TRPM3: variants seen among roughly 807,000 people sequenced by gnomAD.
TRPM3 encodes the protein transient receptor potential cation channel subfamily M member 3.
In TRPM3, 77 loss-of-function variants were observed where a neutral mutation model predicts 181.2. That is an observed-to-expected ratio of 0.42 (90% CI 0.35 to 0.51). TRPM3 has a LOEUF of 0.51. Among genes scored for constraint, TRPM3 ranks in the 20% least tolerant of loss-of-function variants. The probability of loss-of-function intolerance (pLI) is 0.01; values close to 1 mark genes in which losing one functional copy is unlikely to be tolerated. For missense variants in TRPM3, 1,759 were observed against 2,196.7 expected (o/e 0.80, Z 3.98); for synonymous variants, 745 against 796.4 (o/e 0.94, Z 1.09).
At chr9:71,023,338 C>T (rs2097861379) in intron 1 of TRPM3, among the ~76,000 whole-genome samples, 1 of 152,030 alleles carries the variant, frequency 6.6e-6, no homozygotes, top group Non-Finnish European at 1.5e-5. Context: ...AGCAATAATA[C>T]TAAATGCTAG....
chr9:71,272,374 A>G (rs1184078775), intron 1 of TRPM3, among the ~76,000 whole-genome samples: 1 of 152,180 alleles, frequency 6.6e-6, no homozygotes, highest in African/African-American at 2.4e-5. Flanking sequence ...TTTAAAAATG[A>G]GTCTATTTCA....
chr9:70,928,061 T>G lies in TRPM3; in HGVS notation c.178-63550A>C, dbSNP rs143277528. On this transcript the variant is annotated intron_variant, in intron 1 of 25. Transcript: ENST00000677713. ...GACTTCCAACTAATTGTTCCCATAT[T>G]TGTAGGCCATCTGGATATTTAGGTA... is the stretch of plus-strand genomic sequence containing the variant. Among the ~76,000 whole-genome samples the G allele has an allele frequency of 2.6e-3, 395 of 152,344 alleles. 2 individuals are homozygous for G. Among genetic ancestry groups the G allele is most frequent in the African/African-American group, 9.2e-3 (381 of 41,580 alleles).
At chr9:71,137,804 T>C (rs548797274) in intron 1 of TRPM3, among the ~76,000 whole-genome samples, 1 of 152,258 alleles carries the variant, frequency 6.6e-6, no homozygotes, top group South Asian at 2.1e-4. Context: ...GTTGAAAATA[T>C]ATGTTAAGGT....
chr9:70,831,830 A>G (rs2093918111), intron 5 of TRPM3, among the ~76,000 whole-genome samples: 1 of 151,280 alleles, frequency 6.6e-6, no homozygotes, highest in Non-Finnish European at 1.5e-5. Flanking sequence ...AATATTTTAA[A>G]ATAACTTAAA....
chr9:70,967,041 T>TAA (rs2097192604), intron 1 of TRPM3, among the ~76,000 whole-genome samples: 1 of 48,850 alleles, frequency 2.0e-5, no homozygotes, highest in Non-Finnish European at 4.9e-5. Context: ...ACAAAAACAA[T>TAA]AACAGAAAAG....
At chr9:71,004,387 G>A (rs890717024) in intron 1 of TRPM3, among the ~76,000 whole-genome samples, 12 of 152,250 alleles carry the variant, frequency 7.9e-5, no homozygotes, top group African/African-American at 2.4e-4. Flanking sequence ...TTCCTGTGCA[G>A]TGTTTACATT....
At chr9:70,977,849 T>C (rs942595328) in intron 1 of TRPM3, among the ~76,000 whole-genome samples, 1 of 152,190 alleles carries the variant, frequency 6.6e-6, no homozygotes, top group Admixed American at 6.5e-5. Flanking sequence ...GCACAAAGCT[T>C]CCATGCACTT....
intron 1 of TRPM3, among the ~76,000 whole-genome samples, chr9:71,216,405 A>G (rs2131826495): frequency 6.6e-6 from 1 of 152,346 alleles, no homozygotes; most frequent in African/African-American, 2.4e-5. Flanking sequence ...TCACTTTCAC[A>G]TTGCAATTGC....
chr9:71,295,081 G>A (rs2086142826), intron 1 of TRPM3, among the ~76,000 whole-genome samples: 1 of 152,042 alleles, frequency 6.6e-6, no homozygotes, highest in Admixed American at 6.6e-5. Flanking sequence ...TTTATTTAAT[G>A]CTATTCTTTA....
chr9:71,196,789 C>T (rs7025307), intron 1 of TRPM3, among the ~76,000 whole-genome samples: 40,738 of 151,956 alleles, frequency 0.27, 6,030 homozygotes, highest in Middle Eastern at 0.46. Flanking sequence ...CGATTTTGAG[C>T]CATTTTTCAT....
intron 1 of TRPM3, among the ~76,000 whole-genome samples, chr9:71,187,606 G>T (rs1020796729): frequency 6.6e-6 from 1 of 151,806 alleles, no homozygotes; most frequent in African/African-American, 2.4e-5. Flanking sequence ...AACAGTAACA[G>T]ATTTATTTTA....
Position 70,617,444 on chromosome 9 carries a change from A to T in TRPM3, c.2359-1369T>A, listed in dbSNP as rs188894127. On this transcript the variant is annotated intron_variant, in intron 17 of 25. Transcript: ENST00000677713. ...AGGGGAGGAAATGGGAAATGGGGCC[A>T]TATAGGTCAAAGGGAACAAAGTTGC... is the stretch of plus-strand genomic sequence containing the variant. Among the ~76,000 whole-genome samples, 105 of 152,292 alleles carry T rather than the reference A, an allele frequency of 6.9e-4. 1 individual carries two copies. Among genetic ancestry groups the T allele is most frequent in the Non-Finnish European group, 2.9e-5 (2 of 68,024 alleles).
chr9:70,834,210 G>A (rs759393405), intron 5 of TRPM3, among the ~76,000 whole-genome samples: 2 of 152,210 alleles, frequency 1.3e-5, no homozygotes, highest in Non-Finnish European at 2.9e-5. Context: ...CATTAGCAGT[G>A]TGAATCCCAC....
chr9:70,569,885 A>T (rs892846481), intron 22 of TRPM3, among the ~76,000 whole-genome samples: 14 of 152,252 alleles, frequency 9.2e-5, no homozygotes, highest in Admixed American at 5.2e-4. Context: ...AATATTTAAA[A>T]ATATATTTTT....
intron 9 of TRPM3, among the ~76,000 whole-genome samples, chr9:70,643,418 A>G (rs1250159280): frequency 3.3e-5 from 5 of 152,218 alleles, no homozygotes; most frequent in Non-Finnish European, 5.9e-5. Flanking sequence ...AGGAACACAT[A>G]GCAGGAAGCA....
At chr9:71,376,180 T>A (rs2092660896) in intron 1 of TRPM3, among the ~76,000 whole-genome samples, 1 of 151,682 alleles carries the variant, frequency 6.6e-6, no homozygotes, top group East Asian at 1.9e-4. Context: ...CTAGAAGAAG[T>A]CACAAAAATG....
In TRPM3 at chr9:70,838,110, A is replaced by T. The variant is rs1261124282; in HGVS notation, c.801+4893T>A. On this transcript the variant is annotated intron_variant, in intron 5 of 25. Coordinates refer to ENST00000677713, the MANE Select transcript of TRPM3 (RefSeq NM_001366145.2). ...AGAACAAGTGTTTTTATAGAGATGA[A>T]GAAACCAAATCTTACAGAGTTTAAG... Among the ~76,000 whole-genome samples, 3 of 152,350 alleles carry T rather than the reference A, an allele frequency of 2.0e-5. No individual in the cohort carries two copies. The East Asian group carries it at 5.8e-4, about 29-fold the overall frequency.
At chr9:70,609,031 A>C (rs975870993) in intron 19 of TRPM3, among the ~76,000 whole-genome samples, 4 of 152,218 alleles carry the variant, frequency 2.6e-5, no homozygotes, top group African/African-American at 9.6e-5. Flanking sequence ...TAGAAGAAAC[A>C]ATAGTCACAG....
intron 1 of TRPM3, among the ~76,000 whole-genome samples, chr9:71,373,343 GT>G (rs957748882): frequency 4.9e-4 from 74 of 151,748 alleles, no homozygotes; most frequent in Non-Finnish European, 6.0e-4. Context: ...CCAGGAGGTG[GT>G]TTTTTGAAAA....
Sources: allele counts gnomAD v4.1 joint callset (sites outside exome capture counted in the v4.1 genomes callset), GRCh38; gene constraint gnomAD v4.1.1; transcripts MANE v1.5; gene names NCBI Gene and HGNC (gene_info 2026-07-23, HGNC 2026-07-21).